The following GBP6 variants were observed in gnomAD, a reference collection of about 807,000 sequenced individuals.
The protein encoded by GBP6 is guanylate binding protein family member 6.
GBP6 carries 54 observed loss-of-function variants against 61.5 expected under a neutral mutation model. The observed-to-expected ratio is 0.88, with a 90% confidence interval of 0.71 to 1.10. The LOEUF (loss-of-function observed/expected upper bound fraction) is 1.10. Among genes scored for constraint, GBP6 ranks in the 50% least tolerant of loss-of-function variants. GBP6 has a pLI of 0.00. For missense variants in GBP6, 748 were observed against 752.8 expected, an observed-to-expected ratio of 0.99 and a Z score of 0.07; for synonymous variants, 255 against 273.7, an observed-to-expected ratio of 0.93 and a Z score of 0.67.
intron 7 of GBP6, 23 bp from the exon 8 acceptor site, chr1:89,382,641 A>T: frequency 6.3e-7 from 1 of 1,591,756 alleles, no homozygotes; most frequent in South Asian, 1.1e-5. Flanking sequence ...TTCTGGTGAC[A>T]TCTCTCTACA....
At chr1:89,373,814 T>A (rs1236393430) in intron 3 of GBP6, among the ~76,000 whole-genome samples, 1 of 151,340 alleles carries the variant, frequency 6.6e-6, no homozygotes, top group East Asian at 1.9e-4. Flanking sequence ...TAAAGTATAA[T>A]AAAAATATAT....
In GBP6 at chr1:89,380,365, CT is replaced by C. The variant is rs1557541725; in HGVS notation, c.626-20del. 1 of 1,485,570 alleles carries C rather than the reference CT, an allele frequency of 6.7e-7. No individual in the cohort carries two copies. The highest frequency in any genetic ancestry group is 2.1e-5 in the Admixed American group (1 of 47,174). 92.0% of individuals were successfully genotyped at this position (1,485,570 alleles called of 1,614,324 possible). A position where few individuals can be genotyped will look rare whatever the true frequency, so the allele number is the denominator to read the frequency against. On this transcript the variant is annotated intron_variant, in intron 5 of 10. Coordinates refer to ENST00000370456, the MANE Select transcript of GBP6 (RefSeq NM_198460.3). The stretch of plus-strand genomic sequence containing the variant: ...ACCAAGACTGTTTTCACTATATTCT[CT>C]GTTTTTTTTTATCCCTCAGGCAATA...
chr1:89,383,020 A>G (rs1653027739), intron 8 of GBP6, 144 bp downstream of exon 8: 2 of 580,132 alleles, frequency 3.4e-6, no homozygotes, highest in Admixed American at 6.4e-5. Context: ...TTCTTAGAAT[A>G]AAAATTTTTA....
At chr1:89,384,374 A>G in intron 10 of GBP6, 88 bp downstream of exon 10, 1 of 1,007,808 alleles carries the variant, frequency 9.9e-7, no homozygotes, top group Non-Finnish European at 1.4e-6. Context: ...AACATCATGA[A>G]AGGAAGCACA....
At chr1:89,380,796 C>T (rs189517143) in intron 6 of GBP6, among the ~76,000 whole-genome samples, 165 bp downstream of exon 6, 7 of 152,268 alleles carry the variant, frequency 4.6e-5, no homozygotes, top group Admixed American at 4.6e-4. Context: ...TTGCAATTTA[C>T]AAATTCCTCT....
intron 6 of GBP6, 76 bp from the exon 7 acceptor site, chr1:89,381,618 G>A: frequency 6.8e-7 from 1 of 1,462,140 alleles, no homozygotes; most frequent in East Asian, 2.3e-5. Context: ...GTGCATGTGT[G>A]TGCTCAGAAA....
At position 89,380,475 on chromosome 1, in the gene GBP6, C is replaced by A; in HGVS notation, c.715C>A (p.Pro239Thr). ...ACGGAAGTGTTTCGTCTTTGACCGG[C>A]CAACAAATGACAAAGACCTTCTAGC... ...PKRKCFVFDRPTNDKDLLANI... is the reference protein window; with the variant it reads ...PKRKCFVFDRTTNDKDLLANI... The change falls in exon 6 of 11, where the codon CCA becomes ACA. Residue 239 changes from proline (P) to threonine (T), a missense_variant. Coordinates refer to ENST00000370456, the MANE Select transcript of GBP6 (RefSeq NM_198460.3). 1 of 1,614,062 alleles carries A rather than the reference C, an allele frequency of 6.2e-7. No homozygotes were observed. Among genetic ancestry groups the A allele is most frequent in the Non-Finnish European group, 8.5e-7 (1 of 1,180,006 alleles).
intron 2 of GBP6, among the ~76,000 whole-genome samples, chr1:89,369,261 C>T (rs1260387958): frequency 6.6e-6 from 1 of 152,106 alleles, no homozygotes; most frequent in Non-Finnish European, 1.5e-5. Context: ...GACTTTGAAC[C>T]CCACCACTTT....
rs751920580 is a variant in GBP6 at position 89,381,796 on chromosome 1, C to A, written c.974C>A (p.Ala325Glu). 6.2e-7 allele frequency: 1 copy of A among 1,614,132 alleles called. No individual in the cohort carries two copies. Among genetic ancestry groups the A allele is most frequent in the East Asian group, 2.2e-5 (1 of 44,880 alleles). Residue 325 changes from alanine to glutamate, a missense_variant, in exon 7 of 11, where the codon GCG (alanine) becomes GAG (glutamate). Coordinates refer to ENST00000370456, the MANE Select transcript of GBP6 (RefSeq NM_198460.3). Reference sequence around the variant, plus strand: ...ACTCTGGCCCAGCGTGAGAACTCAGCGGCCGTGCAGAGGGCAGCTGACTAC... The same window carrying A: ...ACTCTGGCCCAGCGTGAGAACTCAGAGGCCGTGCAGAGGGCAGCTGACTAC... ...VITLAQRENS[A>E]AVQRAADYYS...
At chr1:89,384,789 G>A (rs6428528) in intron 10 of GBP6, among the ~76,000 whole-genome samples, 136,127 of 152,254 alleles carry the variant, frequency 0.89, 60,930 homozygotes, top group Middle Eastern at 0.91. Context: ...ACCCTGTATA[G>A]GTAGCCTGCC....
At chr1:89,376,352 T>C (rs1338122139) in intron 3 of GBP6, among the ~76,000 whole-genome samples, 1 of 152,206 alleles carries the variant, frequency 6.6e-6, no homozygotes, top group African/African-American at 2.4e-5. Flanking sequence ...TGGTTTTCCA[T>C]TTAAGTCTTT....
At chr1:89,366,852 C>T in intron 1 of GBP6, among the ~76,000 whole-genome samples, 1 of 152,152 alleles carries the variant, frequency 6.6e-6, no homozygotes, top group Admixed American at 6.6e-5. Flanking sequence ...CCCATGGTAG[C>T]TACACTTCTA....
chr1:89,385,244 G>A lies in GBP6; in HGVS notation c.1677G>A (p.Trp559Ter), dbSNP rs1323154180. Residue 559 changes from tryptophan (W) to a stop codon, truncating the protein, a stop_gained, in exon 11 of 11, where the codon TGG (tryptophan) becomes TGA (stop). Transcript: ENST00000370456. LOFTEE classifies it low-confidence loss of function (END_TRUNC). ...ATTGTCTTTAGGTCCAAAATGATTGGCTTCATGAAGGATTTAAGAAGAAGT... is the reference window on the plus strand; with the variant it reads ...ATTGTCTTTAGGTCCAAAATGATTGACTTCATGAAGGATTTAAGAAGAAGT... ...LEHTQKVQND[W>*]LHEGFKKKYE... 1 of 1,613,070 alleles carries A rather than the reference G, an allele frequency of 6.2e-7. No homozygotes were observed. Among genetic ancestry groups the A allele is most frequent in the Non-Finnish European group, 8.5e-7 (1 of 1,179,190 alleles).
In GBP6 at chr1:89,387,169, G is replaced by C. The variant is rs367616041; in HGVS notation, c.*1700G>C. On this transcript the variant is annotated 3_prime_UTR_variant, in exon 11 of 11. Coordinates refer to ENST00000370456, the MANE Select transcript of GBP6 (RefSeq NM_198460.3). ...CTGCAACTCCAGGACCCAAATAAAT[G>C]ATAATGATTTCCCAAGTTCTCCTCC... is the stretch of plus-strand genomic sequence containing the variant. Among the ~76,000 whole-genome samples the C allele has an allele frequency of 6.6e-6, 1 of 152,102 alleles. No individual in the cohort carries two copies. The highest frequency in any genetic ancestry group is 2.4e-5 in the African/African-American group (1 of 41,426).
At chr1:89,372,344 C>T (rs1398893509) in intron 3 of GBP6, among the ~76,000 whole-genome samples, 1 of 152,142 alleles carries the variant, frequency 6.6e-6, no homozygotes, top group East Asian at 1.9e-4. Flanking sequence ...AAAAAAGAGC[C>T]CACATTGCCA....
At chr1:89,367,103 G>A (rs369127091) in intron 1 of GBP6, among the ~76,000 whole-genome samples, 16 of 152,272 alleles carry the variant, frequency 1.1e-4, no homozygotes, top group Admixed American at 5.9e-4. Flanking sequence ...TGTGCATAAT[G>A]CTGCCATAAA....
Position 89,384,164 on chromosome 1 carries a change from C to T in GBP6, c.1540C>T (p.Gln514Ter). 1.2e-6 allele frequency: 2 copies of T among 1,614,096 alleles called. No individual in the cohort carries two copies. Among genetic ancestry groups the T allele is most frequent in the Non-Finnish European group, 1.7e-6 (2 of 1,179,986 alleles). The change falls in exon 10 of 11, where the codon CAA becomes TAA. Residue 514 changes from glutamine to a stop codon, truncating the protein, a stop_gained. Coordinates refer to ENST00000370456, the MANE Select transcript of GBP6 (RefSeq NM_198460.3). LOFTEE classifies it high-confidence loss of function. ...LLKQKLQEQQ[Q>*]QMEAQDKSRK... ...AAAACAGAAATTACAGGAGCAGCAG[C>T]AACAGATGGAGGCTCAAGATAAGAG...
At chr1:89,377,574 A>G (rs1193159854) in intron 3 of GBP6, among the ~76,000 whole-genome samples, 1 of 152,164 alleles carries the variant, frequency 6.6e-6, no homozygotes, top group Non-Finnish European at 1.5e-5. Flanking sequence ...TGCCATTTTT[A>G]TTGAATTCAT....
chr1:89,380,338 A>T, intron 5 of GBP6, 48 bp from the exon 6 acceptor site: 2 of 1,578,046 alleles, frequency 1.3e-6, no homozygotes, highest in African/African-American at 1.4e-5. Context: ...TAGCTCCCTT[A>T]TACCAAGACT....
Sources: allele counts gnomAD v4.1 joint callset (sites outside exome capture counted in the v4.1 genomes callset), GRCh38; gene constraint gnomAD v4.1.1; transcripts MANE v1.5; gene names NCBI Gene and HGNC (gene_info 2026-07-23, HGNC 2026-07-21).